Variants in ZNF215 observed in about 807,000 individuals in gnomAD.
ZNF215 encodes zinc finger protein 215, also known as BWSCR2-associated zinc finger protein 2.
A neutral mutation model predicts 27.2 loss-of-function variants in ZNF215; 24 were observed. That is an observed-to-expected ratio of 0.88 (90% confidence interval 0.64 to 1.24). ZNF215 has a LOEUF of 1.24. ZNF215 is among the 50% of genes most tolerant of loss of function. The pLI is 0.00. For missense variants in ZNF215, 675 were observed against 605.7 expected, an observed-to-expected ratio of 1.11 and a Z score of -1.20; for synonymous variants, 210 against 204.0, an observed-to-expected ratio of 1.03 and a Z score of -0.25.
rs867304031 is a variant in ZNF215, at chr11:6,976,391, A to G, written c.806-7738A>G. On this transcript the variant is annotated intron_variant, in intron 5 of 5. Transcript: ENST00000529903. ...AAAATAATATCTTATGATGAAAATAAGGGCACAGTAGAGGTTACCTGAGAA... is the reference window on the plus strand; with the variant it reads ...AAAATAATATCTTATGATGAAAATAGGGGCACAGTAGAGGTTACCTGAGAA... 2.0e-5 allele frequency among the ~76,000 whole-genome samples: 3 copies of G among 152,168 alleles called. No individual in the cohort carries two copies. The South Asian group carries it at 6.2e-4, about 32-fold the overall frequency.
intron 6 of ZNF215, 28 bp downstream of exon 6, chr11:6,943,669 A>G: frequency 6.6e-7 from 1 of 1,525,428 alleles, no homozygotes; most frequent in Non-Finnish European, 9.1e-7. Flanking sequence ...ATGAGGCCAT[A>G]GTAAGAAGCT....
intron 5 of ZNF215, among the ~76,000 whole-genome samples, chr11:6,977,251 T>G (rs1355530722): frequency 6.6e-6 from 1 of 152,076 alleles, no homozygotes; most frequent in Non-Finnish European, 1.5e-5. Flanking sequence ...TGAGCCATTC[T>G]GAGTAGTGTG....
downstream of ZNF215, among the ~76,000 whole-genome samples, chr11:6,986,875 G>A (rs958967718): frequency 6.6e-6 from 1 of 152,056 alleles, no homozygotes; most frequent in Non-Finnish European, 1.5e-5. Flanking sequence ...AGATGTTGGT[G>A]AGGCAGCATC....
Position 6,956,773 on chromosome 11 carries a change from A to G in ZNF215, c.*242A>G, listed in dbSNP as rs536001264. On this transcript the variant is annotated 3_prime_UTR_variant, in exon 7 of 7. Coordinates refer to ENST00000278319, the MANE Select transcript of ZNF215 (RefSeq NM_013250.4). ...TGGAGTTAAACCACAGTATCACCAT[A>G]CAAGTATTTGTTTATCATTATTTTG... is the stretch of plus-strand genomic sequence containing the variant. The G allele has an allele frequency of 4.5e-5, 57 of 1,279,546 alleles. No individual in the cohort carries two copies. In the African/African-American group the frequency reaches 8.3e-4, roughly 19 times the overall value. 79.3% of individuals were successfully genotyped at this position (1,279,546 alleles called of 1,614,324 possible). A position where few individuals can be genotyped will look rare whatever the true frequency, so the allele number is the denominator to read the frequency against.
At chr11:6,933,726 C>T (rs1449039344) in intron 3 of ZNF215, among the ~76,000 whole-genome samples, 1 of 143,794 alleles carries the variant, frequency 7.0e-6, no homozygotes, top group African/African-American at 2.6e-5. Context: ...ACCCAGGAGG[C>T]GGAGCTTGCA....
chr11:6,947,743 T>C (rs958399086), intron 6 of ZNF215, among the ~76,000 whole-genome samples: 10 of 152,330 alleles, frequency 6.6e-5, no homozygotes, highest in Admixed American at 5.9e-4. Context: ...AGAGCAATCA[T>C]TGTATTCTCA....
chr11:6,977,344 A>G (rs1047697094), intron 5 of ZNF215, among the ~76,000 whole-genome samples: 6 of 151,916 alleles, frequency 3.9e-5, no homozygotes, highest in Non-Finnish European at 5.9e-5. Context: ...TCTGTACTAT[A>G]TACTCTACCT....
downstream of ZNF215, among the ~76,000 whole-genome samples, chr11:6,987,098 A>G (rs1163749160): frequency 2.0e-5 from 3 of 152,232 alleles, no homozygotes; most frequent in Non-Finnish European, 4.4e-5. Flanking sequence ...TGTTCATTGC[A>G]GAACTATTCA....
chr11:6,958,270 A>G (rs1166005890), downstream of ZNF215, among the ~76,000 whole-genome samples: 3 of 152,222 alleles, frequency 2.0e-5, no homozygotes, highest in Non-Finnish European at 2.9e-5. Context: ...TCCAAGTCCA[A>G]TATTTCAATT....
intron 5 of ZNF215, among the ~76,000 whole-genome samples, chr11:6,978,509 G>A (rs567040305): frequency 9.2e-5 from 14 of 152,002 alleles, no homozygotes; most frequent in Non-Finnish European, 2.1e-4. Context: ...TGTGTGCTGC[G>A]ATATGTAGGA....
rs554736782 is a variant in ZNF215 at position 6,973,645 on chromosome 11, C to T, written c.806-10484C>T. ...TTTTGATTTGCATTTCTCTGATGGCCAGTGATGATGAGCATTTTTTCCTGT... is the reference window on the plus strand; with the variant it reads ...TTTTGATTTGCATTTCTCTGATGGCTAGTGATGATGAGCATTTTTTCCTGT... On this transcript the variant is annotated intron_variant, in intron 5 of 5. Transcript: ENST00000529903. 2.5e-3 allele frequency among the ~76,000 whole-genome samples: 375 copies of T among 152,236 alleles called. 2 individuals carry two copies. Among genetic ancestry groups the T allele is most frequent in the African/African-American group, 7.9e-3 (327 of 41,536 alleles).
intron 2 of ZNF215, among the ~76,000 whole-genome samples, chr11:6,931,762 C>T (rs1849272810): frequency 6.6e-6 from 1 of 152,114 alleles, no homozygotes. Flanking sequence ...ACCTTAATAT[C>T]CTACCTGAAG....
intron 3 of ZNF215, among the ~76,000 whole-genome samples, chr11:6,937,660 G>A (rs113571827): frequency 2.0e-4 from 30 of 151,864 alleles, no homozygotes; most frequent in East Asian, 1.9e-3. Flanking sequence ...AAGCTATGTC[G>A]TACTGGAATA....
chr11:6,958,497 C>G (rs542937680), downstream of ZNF215, among the ~76,000 whole-genome samples: 9 of 152,286 alleles, frequency 5.9e-5, no homozygotes, highest in East Asian at 1.7e-3. Flanking sequence ...GCATTTAAAG[C>G]TCTTGCAGAG....
intron 2 of ZNF215, among the ~76,000 whole-genome samples, chr11:6,931,388 A>G (rs1329128583): frequency 6.6e-6 from 1 of 152,204 alleles, no homozygotes; most frequent in South Asian, 2.1e-4. Flanking sequence ...AAAGACTCAC[A>G]CTGAAGAAAA....
intron 5 of ZNF215, among the ~76,000 whole-genome samples, chr11:6,979,343 G>T (rs199814142): frequency 6.8e-3 from 1 of 148 alleles, no homozygotes; most frequent in Non-Finnish European, 0.018. Context: ...TAATAATAAT[G>T]ATTGTGGTAT....
chr11:6,956,471 C>T lies in ZNF215; in HGVS notation c.1494C>T (p.Ala498=). 3.1e-6 allele frequency: 5 copies of T among 1,613,158 alleles called. No homozygotes were observed. The highest frequency in any genetic ancestry group is 2.2e-5 in the South Asian group (2 of 90,798). Residue 498 remains alanine (A), a synonymous_variant, in exon 7 of 7, where the codon GCC becomes GCT. Coordinates refer to ENST00000278319, the MANE Select transcript of ZNF215 (RefSeq NM_013250.4). ...KPFKCKECSK[A]FNRSSNLVKH... is the part of the protein sequence containing the mutation. ...TCAAATGTAAGGAATGTAGTAAAGC[C>T]TTCAACAGGAGTTCAAACCTTGTTA...
chr11:6,954,216 C>G (rs558963401), intron 6 of ZNF215, among the ~76,000 whole-genome samples: 1 of 152,140 alleles, frequency 6.6e-6, no homozygotes, highest in Non-Finnish European at 1.5e-5. Context: ...GCAGTCTGCC[C>G]GTTCTCAGAT....
chr11:6,950,727 C>T (rs1011576877), intron 6 of ZNF215, among the ~76,000 whole-genome samples: 1 of 149,558 alleles, frequency 6.7e-6, no homozygotes, highest in African/African-American at 2.5e-5. Flanking sequence ...CCTTTATTTC[C>T]TTCTCCTGCC....
Sources: gnomAD v4.1 joint callset for allele counts (sites outside exome capture counted in the v4.1 genomes callset) on GRCh38, gnomAD v4.1.1 for gene constraint, MANE v1.5 for transcripts, NCBI Gene and HGNC (gene_info 2026-07-23, HGNC 2026-07-21) for gene names.